CA10: variants seen among roughly 807,000 people sequenced by gnomAD.
CA10 encodes the protein carbonic anhydrase 10 (inactive).
A neutral mutation model predicts 44.2 loss-of-function variants in CA10; 14 were observed. The observed-to-expected ratio is 0.32, with a 90% confidence interval of 0.21 to 0.50. The LOEUF (loss-of-function observed/expected upper bound fraction) is 0.50. Ranked by LOEUF, CA10 falls within the 20% of genes least tolerant of loss-of-function variation. The pLI is 0.99. For synonymous variants in CA10, 159 were observed against 141.6 expected, an observed-to-expected ratio of 1.12 and a Z score of -0.87; for missense variants, 350 against 409.7, an observed-to-expected ratio of 0.85 and a Z score of 1.26.
chr17:52,000,255 T>C (rs1985377891), intron 2 of CA10, among the ~76,000 whole-genome samples: 1 of 152,058 alleles, frequency 6.6e-6, no homozygotes, highest in African/African-American at 2.4e-5. Flanking sequence ...GTGATGAAGA[T>C]GAAGGTTGAG....
At chr17:51,718,112 G>T (rs1160800268) in intron 4 of CA10, among the ~76,000 whole-genome samples, 1 of 151,144 alleles carries the variant, frequency 6.6e-6, no homozygotes, top group African/African-American at 2.4e-5. Flanking sequence ...CAAATATGGT[G>T]CAGTGTATAC....
At chr17:52,013,357 T>TGTGATTTCTATGG (rs1985868568) in intron 2 of CA10, among the ~76,000 whole-genome samples, 1 of 151,598 alleles carries the variant, frequency 6.6e-6, no homozygotes, top group Admixed American at 6.6e-5. Context: ...ACAATCATAA[T>TGTGATTTCTATGG]GAAAGAACAA....
chr17:51,997,192 C>G (rs1262205170), intron 2 of CA10, among the ~76,000 whole-genome samples: 1 of 151,982 alleles, frequency 6.6e-6, no homozygotes, highest in African/African-American at 2.4e-5. Context: ...GGTTCTTTTC[C>G]TTCATAGTAC....
At chr17:52,133,207 A>G (rs893558084) in intron 1 of CA10, among the ~76,000 whole-genome samples, 1 of 152,198 alleles carries the variant, frequency 6.6e-6, no homozygotes, top group African/African-American at 2.4e-5. Context: ...CCAAGCTGCC[A>G]TTCATCACAG....
intron 3 of CA10, among the ~76,000 whole-genome samples, chr17:51,844,913 T>G (rs1037913714): frequency 6.6e-5 from 10 of 152,118 alleles, no homozygotes; most frequent in African/African-American, 2.4e-4. Flanking sequence ...TTTGCAGATA[T>G]AATTAGTTAA....
At chr17:51,847,919 G>A (rs1311953802) in intron 3 of CA10, among the ~76,000 whole-genome samples, 1 of 152,126 alleles carries the variant, frequency 6.6e-6, no homozygotes, top group Non-Finnish European at 1.5e-5. Flanking sequence ...CTTTCCAGAC[G>A]AGACCTTTTG....
chr17:51,834,154 T>C (rs1054623870), intron 3 of CA10, among the ~76,000 whole-genome samples: 9 of 152,242 alleles, frequency 5.9e-5, no homozygotes, highest in African/African-American at 2.2e-4. Flanking sequence ...AACTTGACTA[T>C]AGAAATCTAT....
chr17:51,896,190 A>C (rs1421910739), intron 3 of CA10, among the ~76,000 whole-genome samples: 1 of 152,072 alleles, frequency 6.6e-6, no homozygotes, highest in Non-Finnish European at 1.5e-5. Flanking sequence ...TTAATCAGCC[A>C]GGTAATAAGC....
At chr17:51,717,813 GTATATATATGTGTGTGTATATA>G (rs1490735782) in intron 4 of CA10, among the ~76,000 whole-genome samples, 2 of 8,520 alleles carry the variant, frequency 2.3e-4, no homozygotes, top group African/African-American at 8.1e-4. Context: ...ATATATACAC[GTATATATATGTGTGTGTATATA>G]TATATATATA....
At chr17:51,973,180 G>A (rs962813717) in intron 2 of CA10, among the ~76,000 whole-genome samples, 3 of 152,202 alleles carry the variant, frequency 2.0e-5, no homozygotes, top group African/African-American at 7.2e-5. Flanking sequence ...ATGGATAAGA[G>A]AGAACACAAG....
chr17:51,928,877 ATTAG>A (rs1420772037), intron 3 of CA10, among the ~76,000 whole-genome samples: 1 of 152,180 alleles, frequency 6.6e-6, no homozygotes, highest in Non-Finnish European at 1.5e-5. Context: ...TTCATTACCA[ATTAG>A]TTTATCACGA....
rs566228142 is a variant in CA10, at chr17:51,906,781, G to C, written c.279+24209C>G. On this transcript the variant is annotated intron_variant, in intron 3 of 8. Transcript: ENST00000451037. ...TCTTCTCTATCTCAATATATCAAAG[G>C]GCCATTCACTCAATGACTACTCTCC... 8.4e-4 allele frequency among the ~76,000 whole-genome samples: 127 copies of C among 152,072 alleles called. 1 individual carries two copies. Among genetic ancestry groups the C allele is most frequent in the African/African-American group, 3.0e-3 (125 of 41,484 alleles).
At chr17:51,693,578 T>G (rs1915294411) in intron 4 of CA10, among the ~76,000 whole-genome samples, 1 of 152,192 alleles carries the variant, frequency 6.6e-6, no homozygotes, top group Non-Finnish European at 1.5e-5. Flanking sequence ...TATTTATAAG[T>G]GAGAACATGC....
chr17:51,699,666 G>A (rs1169166747), intron 4 of CA10, among the ~76,000 whole-genome samples: 2 of 152,210 alleles, frequency 1.3e-5, no homozygotes, highest in African/African-American at 4.8e-5. Context: ...TGACAGTCCA[G>A]TTCTGCATGA....
At chr17:52,019,672 C>A (rs1986074898) in intron 2 of CA10, among the ~76,000 whole-genome samples, 1 of 151,844 alleles carries the variant, frequency 6.6e-6, no homozygotes, top group African/African-American at 2.4e-5. Flanking sequence ...TGTTTGCCAC[C>A]AAAAATCTAG....
intron 2 of CA10, among the ~76,000 whole-genome samples, chr17:52,050,395 C>A (rs562786073): frequency 3.3e-5 from 5 of 152,222 alleles, no homozygotes; most frequent in East Asian, 3.9e-4. Context: ...CTGTAATCGA[C>A]ATCTAAGCAG....
intron 2 of CA10, among the ~76,000 whole-genome samples, chr17:52,063,360 G>A (rs751505893): frequency 6.6e-6 from 1 of 152,170 alleles, no homozygotes; most frequent in South Asian, 2.1e-4. Flanking sequence ...GGGATAGAAT[G>A]ATTGTATTTT....
chr17:51,887,685 G>A (rs1362645859), intron 3 of CA10, among the ~76,000 whole-genome samples: 1 of 151,932 alleles, frequency 6.6e-6, no homozygotes, highest in African/African-American at 2.4e-5. Context: ...TGTGTTGGCT[G>A]GGCGCAGTGG....
intron 4 of CA10, among the ~76,000 whole-genome samples, chr17:51,699,440 T>C (rs1401834002): frequency 1.3e-5 from 2 of 152,010 alleles, no homozygotes; most frequent in Non-Finnish European, 2.9e-5. Context: ...ACTAACCTCC[T>C]CCCCTTCTTG....
Sources: allele counts gnomAD v4.1 joint callset (sites outside exome capture counted in the v4.1 genomes callset), GRCh38; gene constraint gnomAD v4.1.1; transcripts MANE v1.5; gene names NCBI Gene and HGNC (gene_info 2026-07-23, HGNC 2026-07-21).